Variants in RBMS3 observed in about 807,000 individuals in gnomAD.
RBMS3 encodes RNA-binding motif, single-stranded-interacting protein 3.
RBMS3 carries 27 observed loss-of-function variants against 66.8 expected under a neutral mutation model. The ratio of observed to expected loss-of-function variants is 0.40; its 90% CI spans 0.30 to 0.56. The LOEUF (loss-of-function observed/expected upper bound fraction) is 0.56, where lower values mean the gene tolerates loss of function less well. RBMS3 is among the 20% of genes least tolerant of loss of function. RBMS3 has a pLI of 0.40. For synonymous variants in RBMS3, 188 were observed against 183.0 expected (o/e 1.03, Z -0.22); for missense variants, 513 against 549.5 (o/e 0.93, Z 0.66).
intron 5 of RBMS3, among the ~76,000 whole-genome samples, chr3:29,756,602 C>A (rs1489355521): frequency 6.6e-6 from 1 of 152,082 alleles, no homozygotes; most frequent in African/African-American, 2.4e-5. Context: ...TTACCTGCCA[C>A]CAGGTCCCTC....
chr3:29,962,567 T>TATATATATATATATATATAA (rs1319441592), intron 12 of RBMS3, among the ~76,000 whole-genome samples: 1 of 150,780 alleles, frequency 6.6e-6, no homozygotes, highest in Non-Finnish European at 1.5e-5. Flanking sequence ...TATATATATA[T>TATATATATATATATATATAA]AATACCATAC....
intron 6 of RBMS3, among the ~76,000 whole-genome samples, chr3:29,843,920 C>G (rs1289506088): frequency 6.6e-6 from 1 of 151,662 alleles, no homozygotes; most frequent in African/African-American, 2.4e-5. Context: ...CCACTGCACT[C>G]CAGCCTGGGA....
At chr3:29,967,511 G>A (rs1696928452) in intron 12 of RBMS3, among the ~76,000 whole-genome samples, 1 of 152,072 alleles carries the variant, frequency 6.6e-6, no homozygotes, top group African/African-American at 2.4e-5. Flanking sequence ...TAGCCAGGAT[G>A]GTCTTGATCT....
At chr3:29,446,486 A>G (rs1219977090) in intron 2 of RBMS3, among the ~76,000 whole-genome samples, 1 of 152,176 alleles carries the variant, frequency 6.6e-6, no homozygotes, top group African/African-American at 2.4e-5. Flanking sequence ...ATTGTGTATC[A>G]TCACCACTAT....
chr3:29,829,377 T>C (rs2058302263), intron 6 of RBMS3, among the ~76,000 whole-genome samples: 1 of 152,154 alleles, frequency 6.6e-6, no homozygotes, highest in Non-Finnish European at 1.5e-5. Context: ...AATGTTCACT[T>C]GGAATTTCTT....
At chr3:29,756,026 G>C (rs1172543286) in intron 5 of RBMS3, among the ~76,000 whole-genome samples, 1 of 152,130 alleles carries the variant, frequency 6.6e-6, no homozygotes, top group Non-Finnish European at 1.5e-5. Flanking sequence ...TTTTGCCTTA[G>C]GATTGGCAAT....
intron 4 of RBMS3, among the ~76,000 whole-genome samples, chr3:29,721,357 A>G (rs1466720864): frequency 1.3e-5 from 2 of 152,134 alleles, no homozygotes; most frequent in African/African-American, 4.8e-5. Context: ...TAATAACTAT[A>G]TAACAACAGA....
chr3:29,293,507 G>A (rs1018894282), intron 1 of RBMS3, among the ~76,000 whole-genome samples: 6 of 151,718 alleles, frequency 4.0e-5, no homozygotes, highest in African/African-American at 1.2e-4. Context: ...GGAGGAGCCT[G>A]GTAAAAAGAG....
rs2059946585 is a variant in RBMS3 at position 29,889,323 on chromosome 3, A to G, written c.791+5115A>G. ...GTAACTACGTAATAATATACTTTTT[A>G]AAAATATTGTTTTCATTTCAAGAAC... On this transcript the variant is annotated intron_variant, in intron 8 of 14. Transcript: ENST00000383767. Among the ~76,000 whole-genome samples the G allele has an allele frequency of 5.3e-5, 8 of 151,678 alleles. No homozygotes were observed. In the South Asian group the frequency reaches 1.7e-3, roughly 31 times the overall value.
intron 4 of RBMS3, among the ~76,000 whole-genome samples, chr3:29,708,042 C>T (rs1450798209): frequency 1.3e-5 from 2 of 152,138 alleles, no homozygotes; most frequent in Non-Finnish European, 2.9e-5. Flanking sequence ...GCTGATTGCA[C>T]CTTCCGTTTA....
chr3:29,422,393 G>C (rs1375859637), intron 1 of RBMS3, among the ~76,000 whole-genome samples: 2 of 47,790 alleles, frequency 4.2e-5, no homozygotes, highest in African/African-American at 3.2e-4. Context: ...AATATCACCA[G>C]CCCAAAAAAA....
At chr3:29,741,458 C>G (rs1351641391) in intron 5 of RBMS3, among the ~76,000 whole-genome samples, 1 of 152,194 alleles carries the variant, frequency 6.6e-6, no homozygotes, top group Non-Finnish European at 1.5e-5. Context: ...GTTCACTGAA[C>G]CAACTGTCAT....
At chr3:29,561,455 T>G (rs1405273849) in intron 3 of RBMS3, among the ~76,000 whole-genome samples, 1 of 151,928 alleles carries the variant, frequency 6.6e-6, no homozygotes, top group Non-Finnish European at 1.5e-5. Flanking sequence ...TTGTTGTTGT[T>G]GTTGTTGTTG....
chr3:29,775,265 AT>A (rs10576860), intron 6 of RBMS3, among the ~76,000 whole-genome samples: 17,419 of 146,832 alleles, frequency 0.12, 1,633 homozygotes, highest in African/African-American at 0.26. Flanking sequence ...TTTTTTATTT[AT>A]TTTTTTTTTT....
intron 1 of RBMS3, among the ~76,000 whole-genome samples, chr3:29,363,813 A>C (rs111386858): frequency 0.096 from 14,440 of 150,508 alleles, 759 homozygotes; most frequent in Non-Finnish European, 0.12. Flanking sequence ...AAAAAAAAAA[A>C]AACCTGTTTT....
chr3:29,853,132 G>A (rs1466911509), intron 6 of RBMS3, among the ~76,000 whole-genome samples: 1 of 152,060 alleles, frequency 6.6e-6, no homozygotes, highest in Non-Finnish European at 1.5e-5. Context: ...CACATAGAGA[G>A]GAACAACACA....
intron 6 of RBMS3, among the ~76,000 whole-genome samples, chr3:29,854,072 C>T (rs2059012054): frequency 6.6e-6 from 1 of 152,160 alleles, no homozygotes; most frequent in South Asian, 2.1e-4. Flanking sequence ...AAAGCATCCC[C>T]TCTGTGCTGT....
chr3:29,572,584 T>A (rs1055095635), intron 3 of RBMS3, among the ~76,000 whole-genome samples: 26 of 152,242 alleles, frequency 1.7e-4, no homozygotes, highest in African/African-American at 6.3e-4. Context: ...GATTTGTGAA[T>A]ATTGAATCAT....
chr3:29,830,501 G>A (rs945196111), intron 6 of RBMS3, among the ~76,000 whole-genome samples: 1 of 152,046 alleles, frequency 6.6e-6, no homozygotes, highest in Non-Finnish European at 1.5e-5. Context: ...CAAAATACGT[G>A]CCCTTTTGAT....
Sources: allele counts gnomAD v4.1 joint callset (sites outside exome capture counted in the v4.1 genomes callset), GRCh38; gene constraint gnomAD v4.1.1; transcripts MANE v1.5; gene names NCBI Gene and HGNC (gene_info 2026-07-23, HGNC 2026-07-21).